KIAA1328: variants seen among roughly 807,000 people sequenced by gnomAD.
KIAA1328 encodes protein hinderin.
A neutral mutation model predicts 68.1 loss-of-function variants in KIAA1328; 52 were observed. That is an observed-to-expected ratio of 0.76 (90% CI 0.61 to 0.96). KIAA1328 has a LOEUF of 0.96. Ranked by LOEUF, KIAA1328 falls within the 40% of genes least tolerant of loss-of-function variation. The probability of loss-of-function intolerance (pLI) is 0.00; values close to 1 mark genes in which losing one functional copy is unlikely to be tolerated. For synonymous variants in KIAA1328, 232 were observed against 239.4 expected (o/e 0.97, Z 0.28); for missense variants, 641 against 677.6 (o/e 0.95, Z 0.60).
chr18:37,221,214 A>T (rs1362568905), intron 9 of KIAA1328, among the ~76,000 whole-genome samples: 2 of 152,150 alleles, frequency 1.3e-5, no homozygotes, highest in African/African-American at 4.8e-5. Flanking sequence ...CTTTGGAGGG[A>T]TGTCTTTATA....
intron 9 of KIAA1328, among the ~76,000 whole-genome samples, chr18:37,216,217 A>T (rs1182752141): frequency 2.0e-5 from 3 of 151,978 alleles, no homozygotes; most frequent in Non-Finnish European, 4.4e-5. Flanking sequence ...TTGCTTTTCT[A>T]GTTCTTTTAA....
intron 9 of KIAA1328, among the ~76,000 whole-genome samples, chr18:37,177,680 T>C (rs1351014032): frequency 6.6e-6 from 1 of 152,118 alleles, no homozygotes; most frequent in African/African-American, 2.4e-5. Context: ...TTTGTTTTGT[T>C]TTATTTTGTT....
At chr18:37,060,919 C>T (rs886951828) in intron 6 of KIAA1328, among the ~76,000 whole-genome samples, 1 of 152,096 alleles carries the variant, frequency 6.6e-6, no homozygotes, top group Non-Finnish European at 1.5e-5. Context: ...AGATCGAGAC[C>T]ATCCTGGCCA....
In KIAA1328 at chr18:36,961,264, G is replaced by C. The variant is rs564008838; in HGVS notation, c.576+1829G>C. Among the ~76,000 whole-genome samples the C allele has an allele frequency of 2.6e-4, 40 of 152,168 alleles. 1 individual carries two copies. Among genetic ancestry groups the C allele is most frequent in the Admixed American group, 2.6e-3 (40 of 15,288 alleles). The stretch of plus-strand genomic sequence containing the variant: ...AATAAAGTGAGAAGACAAGCTTAGA[G>C]AAAAAAAAGTAAAAACAAACGAGCA... On this transcript the variant is annotated intron_variant, in intron 6 of 9. Transcript: ENST00000280020.
In KIAA1328 at chr18:36,846,775, A is replaced by G. The variant is rs188923416; in HGVS notation, c.332+2473A>G. Among the ~76,000 whole-genome samples the G allele has an allele frequency of 2.6e-5, 4 of 151,612 alleles. No individual in the cohort carries two copies. In the East Asian group the frequency reaches 7.7e-4, roughly 29 times the overall value. On this transcript the variant is annotated intron_variant, in intron 4 of 9. Coordinates refer to ENST00000280020, the MANE Select transcript of KIAA1328 (RefSeq NM_020776.3). The stretch of plus-strand genomic sequence containing the variant: ...CCTAATGGTTTGGATGGGGGGTGGT[A>G]AAGTACACCTAACATAAAATTTACC...
chr18:36,890,010 C>G (rs1449440680), intron 5 of KIAA1328, among the ~76,000 whole-genome samples: 1 of 152,108 alleles, frequency 6.6e-6, no homozygotes, highest in African/African-American at 2.4e-5. Flanking sequence ...TCCCAGAAAT[C>G]AAACTGACAG....
At chr18:37,035,643 A>G (rs2054996753) in intron 6 of KIAA1328, among the ~76,000 whole-genome samples, 1 of 152,192 alleles carries the variant, frequency 6.6e-6, no homozygotes, top group South Asian at 2.1e-4. Context: ...AGCAAAACTC[A>G]ACTTCACGTC....
chr18:37,186,257 C>T (rs1164850337), intron 9 of KIAA1328, among the ~76,000 whole-genome samples: 1 of 151,706 alleles, frequency 6.6e-6, no homozygotes, highest in Non-Finnish European at 1.5e-5. Flanking sequence ...CCACTATGCC[C>T]AGCTAATTTT....
intron 7 of KIAA1328, among the ~76,000 whole-genome samples, chr18:37,105,859 G>A (rs888608611): frequency 2.3e-5 from 3 of 131,316 alleles, no homozygotes; most frequent in South Asian, 2.6e-4. Context: ...AGAGGTTGCA[G>A]TGAGAAGAGA....
chr18:37,161,223 C>G (rs1378738366), intron 8 of KIAA1328, among the ~76,000 whole-genome samples: 1 of 152,162 alleles, frequency 6.6e-6, no homozygotes, highest in Non-Finnish European at 1.5e-5. Flanking sequence ...TGTCATGCAA[C>G]CTACTTTTCA....
At chr18:36,831,374 A>C (rs559269413) in intron 1 of KIAA1328, among the ~76,000 whole-genome samples, 1 of 152,090 alleles carries the variant, frequency 6.6e-6, no homozygotes, top group African/African-American at 2.4e-5. Context: ...GCTGTTTTGC[A>C]CAAGGAACGT....
At chr18:37,075,898 C>T (rs1214186558) in intron 7 of KIAA1328, among the ~76,000 whole-genome samples, 1 of 152,156 alleles carries the variant, frequency 6.6e-6, no homozygotes, top group African/African-American at 2.4e-5. Flanking sequence ...ACTTTAACAA[C>T]CCACTGTCAA....
chr18:36,832,275 T>C (rs2046518122), intron 1 of KIAA1328, among the ~76,000 whole-genome samples: 1 of 152,178 alleles, frequency 6.6e-6, no homozygotes, highest in Non-Finnish European at 1.5e-5. Flanking sequence ...AAATTTGTCA[T>C]GGATGTAGCT....
chr18:36,883,971 C>T (rs866561470), intron 4 of KIAA1328, among the ~76,000 whole-genome samples: 17,151 of 101,242 alleles, frequency 0.17, 1,599 homozygotes, highest in Non-Finnish European at 0.2. Flanking sequence ...TATATATATA[C>T]ACACACAGTG....
chr18:37,092,335 A>G (rs2057290461), intron 7 of KIAA1328, among the ~76,000 whole-genome samples: 1 of 152,090 alleles, frequency 6.6e-6, no homozygotes, highest in Non-Finnish European at 1.5e-5. Flanking sequence ...CACCGTTGCC[A>G]GAGGCACTCT....
At chr18:37,035,988 C>T (rs1415636022) in intron 6 of KIAA1328, among the ~76,000 whole-genome samples, 2 of 152,086 alleles carry the variant, frequency 1.3e-5, no homozygotes, top group African/African-American at 4.8e-5. Context: ...CCTGCCTTTG[C>T]CTCAAATCAA....
At chr18:36,831,465 A>G (rs1267066953) in intron 1 of KIAA1328, among the ~76,000 whole-genome samples, 1 of 152,220 alleles carries the variant, frequency 6.6e-6, no homozygotes, top group Non-Finnish European at 1.5e-5. Context: ...ATGCTCCTTC[A>G]GTTTAAGTTG....
At chr18:37,226,927 C>T (rs1214255199), downstream of KIAA1328, among the ~76,000 whole-genome samples, 1 of 152,160 alleles carries the variant, frequency 6.6e-6, no homozygotes. Flanking sequence ...GCCACCACGC[C>T]CAACTAATTT....
intron 3 of KIAA1328, among the ~76,000 whole-genome samples, 191 bp downstream of exon 3, chr18:36,835,567 T>C (rs1478743924): frequency 1.3e-5 from 2 of 152,184 alleles, no homozygotes; most frequent in Non-Finnish European, 2.9e-5. Context: ...AGGGTTTTGC[T>C]CCAAAACATC....
Sources: gnomAD v4.1 joint callset for allele counts (sites outside exome capture counted in the v4.1 genomes callset) on GRCh38, gnomAD v4.1.1 for gene constraint, MANE v1.5 for transcripts, NCBI Gene and HGNC (gene_info 2026-07-23, HGNC 2026-07-21) for gene names.